ARHGAP8: variants seen among roughly 807,000 people sequenced by gnomAD.
ARHGAP8 encodes Rho GTPase activating protein 8.
In ARHGAP8, 62 loss-of-function variants were observed where a neutral mutation model predicts 46.1. The ratio of observed to expected loss-of-function variants is 1.34; its 90% CI spans 1.10 to 1.66. The LOEUF (loss-of-function observed/expected upper bound fraction) is 1.66. Among genes scored for constraint, ARHGAP8 ranks in the 40% most tolerant of loss-of-function variants. ARHGAP8 has a pLI of 0.00. For missense variants in ARHGAP8, 923 were observed against 568.4 expected (o/e 1.62, Z -6.34); for synonymous variants, 375 against 243.1 (o/e 1.54, Z -5.05).
intron 3 of ARHGAP8, among the ~76,000 whole-genome samples, chr22:44,804,660 GC>G (rs1333383580): frequency 6.6e-6 from 1 of 151,770 alleles, no homozygotes; most frequent in African/African-American, 2.4e-5. Context: ...CCAGATGCCA[GC>G]ATCTAACTGC....
At chr22:44,783,448 C>A (rs947163660) in intron 1 of ARHGAP8, among the ~76,000 whole-genome samples, 3 of 152,230 alleles carry the variant, frequency 2.0e-5, no homozygotes, top group Admixed American at 6.5e-5. Flanking sequence ...CCTGCTCCCC[C>A]TTCTCTGCAG....
At chr22:44,787,909 C>A in intron 2 of ARHGAP8, among the ~76,000 whole-genome samples, 1 of 144,992 alleles carries the variant, frequency 6.9e-6, no homozygotes. Context: ...CATTTGAAGC[C>A]CCAAATGTCC....
rs4823400 is a variant in ARHGAP8, at chr22:44,858,046, G to C, written c.878-1685G>C. On this transcript the variant is annotated intron_variant, in intron 10 of 11. Coordinates refer to ENST00000356099, the MANE Select transcript of ARHGAP8 (RefSeq NM_181335.3). ...GAAGGAAATGGCAGCCACCTGGCTC[G>C]GTTGAAATACTCATTTCAAGGGAAT... Among the ~76,000 whole-genome samples the C allele has an allele frequency of 1.2e-3, 189 of 152,276 alleles. 3 individuals carry two copies. Among genetic ancestry groups the C allele is most frequent in the Middle Eastern group, 3.4e-3 (1 of 294 alleles).
At chr22:44,766,653 T>A (rs1330665711) in intron 1 of ARHGAP8, among the ~76,000 whole-genome samples, 1 of 152,178 alleles carries the variant, frequency 6.6e-6, no homozygotes, top group Non-Finnish European at 1.5e-5. Context: ...CCTGTCTTCC[T>A]GGGGACCCTT....
chr22:44,786,220 A>G, intron 1 of ARHGAP8: 2 of 603,564 alleles, frequency 3.3e-6, no homozygotes, highest in Non-Finnish European at 5.8e-6. Flanking sequence ...CGACTGATGT[A>G]GAGTGTATAA....
intron 8 of ARHGAP8, 84 bp from the exon 9 acceptor site, chr22:44,847,889 C>A: frequency 6.5e-7 from 1 of 1,539,900 alleles, no homozygotes; most frequent in Non-Finnish European, 8.8e-7. Context: ...GTGGGTGATG[C>A]CGTGGGCAGG....
intron 1 of ARHGAP8, among the ~76,000 whole-genome samples, chr22:44,780,593 C>T (rs1025279695): frequency 3.0e-5 from 4 of 131,226 alleles, no homozygotes; most frequent in East Asian, 2.2e-4. Context: ...ACCAGGGAGG[C>T]GGAGGTTGCA....
chr22:44,787,919 CTTT>C (rs1194920444), intron 2 of ARHGAP8, among the ~76,000 whole-genome samples: 26 of 89,090 alleles, frequency 2.9e-4, no homozygotes, highest in African/African-American at 1.0e-3. Context: ...CCCAAATGTC[CTTT>C]TTTTTTTTTT....
At chr22:44,850,371 C>G (rs1363622474) in intron 10 of ARHGAP8, 2 of 137,804 alleles carry the variant, frequency 1.5e-5, no homozygotes, top group Admixed American at 1.4e-4. Flanking sequence ...ATAGAGGTAC[C>G]TATCTGGTGG....
chr22:44,860,662 C>CAG (rs72140861), intron 11 of ARHGAP8, among the ~76,000 whole-genome samples: 3 of 152,152 alleles, frequency 2.0e-5, no homozygotes, highest in South Asian at 4.2e-4. Flanking sequence ...AGCAAATGAC[C>CAG]AGAGAGAGAG....
At chr22:44,755,420 C>T (rs1270584325) in intron 1 of ARHGAP8, among the ~76,000 whole-genome samples, 1 of 152,204 alleles carries the variant, frequency 6.6e-6, no homozygotes, top group African/African-American at 2.4e-5. Flanking sequence ...CATTTCTTTC[C>T]AAATTATTTA....
intron 7 of ARHGAP8, among the ~76,000 whole-genome samples, chr22:44,836,163 C>T (rs574360368): frequency 4.6e-5 from 7 of 152,274 alleles, no homozygotes; most frequent in African/African-American, 1.2e-4. Flanking sequence ...TGCCACCTTT[C>T]ACCTCACGAC....
intron 1 of ARHGAP8, among the ~76,000 whole-genome samples, chr22:44,778,687 C>A (rs984567162): frequency 6.6e-6 from 1 of 152,160 alleles, no homozygotes; most frequent in Non-Finnish European, 1.5e-5. Flanking sequence ...ACGCCAATAT[C>A]TATTATTTTA....
intron 1 of ARHGAP8, among the ~76,000 whole-genome samples, chr22:44,765,560 A>G (rs1053325175): frequency 6.6e-6 from 1 of 152,130 alleles, no homozygotes; most frequent in Non-Finnish European, 1.5e-5. Flanking sequence ...GAGTGAGGAC[A>G]GGTCGGGTCT....
At chr22:44,861,490 C>G (rs979652252) in intron 11 of ARHGAP8, among the ~76,000 whole-genome samples, 9 of 152,190 alleles carry the variant, frequency 5.9e-5, no homozygotes, top group Non-Finnish European at 1.0e-4. Flanking sequence ...TGAAAGGCAT[C>G]CAGCCATCTC....
Position 44,759,716 on chromosome 22 carries a change from GGTCAGGGAGATT to G in ARHGAP8, c.-72+7103_-72+7114del, listed in dbSNP as rs1482612855. Among the ~76,000 whole-genome samples the G allele has an allele frequency of 4.6e-5, 7 of 152,320 alleles. No individual in the cohort carries two copies. In the South Asian group the frequency reaches 8.3e-4, roughly 18 times the overall value. Reference sequence around the variant, plus strand: ...GAGCCTCAGGGGCCTGAAGGGAGATGGTCAGGGAGATTGTCAGGGAGATTGCCTCGTGCTGAT... The same window carrying G: ...GAGCCTCAGGGGCCTGAAGGGAGATGGTCAGGGAGATTGCCTCGTGCTGAT... On this transcript the variant is annotated intron_variant, in intron 1 of 11. Coordinates refer to ENST00000356099, the MANE Select transcript of ARHGAP8 (RefSeq NM_181335.3).
chr22:44,828,396 C>T (rs978742800), intron 7 of ARHGAP8, among the ~76,000 whole-genome samples: 1 of 151,716 alleles, frequency 6.6e-6, no homozygotes, highest in Non-Finnish European at 1.5e-5. Context: ...AGAACTCAGC[C>T]CTTGACCAGG....
intron 1 of ARHGAP8, among the ~76,000 whole-genome samples, chr22:44,764,208 C>T (rs868401553): frequency 1.3e-4 from 20 of 152,300 alleles, no homozygotes; most frequent in African/African-American, 4.8e-4. Context: ...GTTCTCTGGT[C>T]TTCATGATGC....
At position 44,791,670 on chromosome 22, in the gene ARHGAP8, C is replaced by CTG. The variant is rs978946541; in HGVS notation, c.79+5065_79+5066insGT. Among the ~76,000 whole-genome samples, 5 of 152,170 alleles carry CTG rather than the reference C, an allele frequency of 3.3e-5. No individual in the cohort carries two copies. In the East Asian group the frequency reaches 9.6e-4, roughly 29 times the overall value. The stretch of plus-strand genomic sequence containing the variant: ...AGTGAGCCGAGATTGCATCATTGCA[C>CTG]TCCAGCCTGGGTAATAAGAGCAAAA... On this transcript the variant is annotated intron_variant, in intron 2 of 11. Coordinates refer to ENST00000356099, the MANE Select transcript of ARHGAP8 (RefSeq NM_181335.3).
Sources: allele counts gnomAD v4.1 joint callset (sites outside exome capture counted in the v4.1 genomes callset), GRCh38; gene constraint gnomAD v4.1.1; transcripts MANE v1.5; gene names NCBI Gene and HGNC (gene_info 2026-07-23, HGNC 2026-07-21).